The following DSCAM variants were observed in gnomAD, a reference collection of about 807,000 sequenced individuals.
DSCAM encodes the protein cell adhesion molecule DSCAM.
In DSCAM, 47 loss-of-function variants were observed where a neutral mutation model predicts 217.7. That is an observed-to-expected ratio of 0.22 (90% CI 0.17 to 0.28). DSCAM has a LOEUF of 0.28. Among genes scored for constraint, DSCAM ranks in the 10% least tolerant of loss-of-function variants. The pLI is 1.00. For synonymous variants in DSCAM, 1,056 were observed against 1,015.3 expected, an observed-to-expected ratio of 1.04 and a Z score of -0.76; for missense variants, 2,080 against 2,618.3, an observed-to-expected ratio of 0.79 and a Z score of 4.49.
chr21:40,098,610 T>C (rs2089712186), intron 20 of DSCAM, among the ~76,000 whole-genome samples: 1 of 152,244 alleles, frequency 6.6e-6, no homozygotes, highest in African/African-American at 2.4e-5. Flanking sequence ...AAACCTTACA[T>C]GCCTCAGCAG....
intron 3 of DSCAM, among the ~76,000 whole-genome samples, chr21:40,649,935 T>A (rs1205525463): frequency 6.6e-6 from 1 of 152,150 alleles, no homozygotes; most frequent in African/African-American, 2.4e-5. Flanking sequence ...GACCTGGAGA[T>A]TGCAGAAGGC....
intron 11 of DSCAM, among the ~76,000 whole-genome samples, chr21:40,238,314 A>G (rs1414806961): frequency 1.3e-5 from 2 of 152,192 alleles, no homozygotes; most frequent in Non-Finnish European, 2.9e-5. Flanking sequence ...AAGCATACTC[A>G]GGATGTGGCA....
chr21:40,369,382 C>CTG, intron 3 of DSCAM, 137 bp from the exon 4 acceptor site: 15 of 508,698 alleles, frequency 2.9e-5, no homozygotes, highest in South Asian at 1.1e-4. Flanking sequence ...GTGCGTGCGT[C>CTG]TGCGTGTGTG....
intron 3 of DSCAM, among the ~76,000 whole-genome samples, chr21:40,559,263 C>G (rs2076697040): frequency 6.6e-6 from 1 of 151,708 alleles, no homozygotes; most frequent in South Asian, 2.1e-4. Flanking sequence ...TTGAGACCAT[C>G]CTGGTCAACA....
At chr21:40,673,869 A>G (rs1653257463) in intron 3 of DSCAM, among the ~76,000 whole-genome samples, 1 of 152,128 alleles carries the variant, frequency 6.6e-6, no homozygotes, top group Non-Finnish European at 1.5e-5. Context: ...TGCTTCCTCT[A>G]TAGCCTGCAG....
chr21:40,136,046 C>T (rs1051942842), intron 18 of DSCAM, among the ~76,000 whole-genome samples: 8 of 152,134 alleles, frequency 5.3e-5, no homozygotes, highest in African/African-American at 1.4e-4. Flanking sequence ...GGGAGCAGGG[C>T]GAGGATGGCC....
At chr21:40,163,927 T>G (rs1304433095) in intron 16 of DSCAM, among the ~76,000 whole-genome samples, 1 of 152,154 alleles carries the variant, frequency 6.6e-6, no homozygotes, top group Non-Finnish European at 1.5e-5. Flanking sequence ...ACGTAATGCT[T>G]CACAGGCAAT....
intron 1 of DSCAM, among the ~76,000 whole-genome samples, chr21:40,822,216 G>A (rs1257042320): frequency 6.6e-6 from 1 of 150,674 alleles, no homozygotes; most frequent in Non-Finnish European, 1.5e-5. Context: ...CTACTCGGGA[G>A]GCTGAGGTGG....
chr21:40,476,687 A>T (rs2075939003), intron 3 of DSCAM, among the ~76,000 whole-genome samples: 1 of 151,836 alleles, frequency 6.6e-6, no homozygotes, highest in South Asian at 2.1e-4. Context: ...TTGCTGACTA[A>T]CCATTGGTTA....
chr21:40,571,003 T>TAC (rs1460253515), intron 3 of DSCAM, among the ~76,000 whole-genome samples: 1 of 152,056 alleles, frequency 6.6e-6, no homozygotes, highest in Non-Finnish European at 1.5e-5. Flanking sequence ...GCAAGGTACA[T>TAC]ACCCAAGAAG....
intron 11 of DSCAM, among the ~76,000 whole-genome samples, chr21:40,204,923 C>A (rs898734282): frequency 2.2e-4 from 34 of 152,198 alleles, no homozygotes; most frequent in African/African-American, 7.7e-4. Flanking sequence ...AATGGGTAAA[C>A]AGATGCATGG....
Position 40,085,702 on chromosome 21 carries a change from G to A in DSCAM, c.4032C>T (p.Phe1344=). The A allele has an allele frequency of 6.3e-7, 1 of 1,588,562 alleles. No homozygotes were observed. Among genetic ancestry groups the A allele is most frequent in the Non-Finnish European group, 8.6e-7 (1 of 1,160,506 alleles). Residue 1344 remains phenylalanine (F), a synonymous_variant, in exon 23 of 33, where the codon TTC becomes TTT. Coordinates refer to ENST00000400454, the MANE Select transcript of DSCAM (RefSeq NM_001389.5). The part of the protein sequence containing the change: ...GRRSIFSNGS[F]IIRTVKAEDS... Reference sequence around the variant, plus strand: ...CTTCTGCTTTCACCGTGCGAATAATGAAGCTTCCGTTGCTAAAGATGCTCC... The same window carrying A: ...CTTCTGCTTTCACCGTGCGAATAATAAAGCTTCCGTTGCTAAAGATGCTCC...
rs182342370 is a variant in DSCAM, at chr21:40,070,161, C to A, written c.4888+4876G>T. On this transcript the variant is annotated intron_variant, in intron 27 of 32. Coordinates refer to ENST00000400454, the MANE Select transcript of DSCAM (RefSeq NM_001389.5). ...TAAGAGAATAATTTCATTAAGAAAC[C>A]AAGACAGAAAGAAAGAGAGAGGAAG... 1.2e-3 allele frequency among the ~76,000 whole-genome samples: 178 copies of A among 145,942 alleles called. 2 individuals carry two copies. Among genetic ancestry groups the A allele is most frequent in the Admixed American group, 1.8e-3 (26 of 14,172 alleles).
chr21:40,192,261 C>G (rs1233966599), intron 11 of DSCAM, among the ~76,000 whole-genome samples: 1 of 152,098 alleles, frequency 6.6e-6, no homozygotes, highest in Non-Finnish European at 1.5e-5. Context: ...GGCTGTGTCC[C>G]CACCCAACTC....
chr21:40,538,629 TTTTAC>T (rs2076518623), intron 3 of DSCAM, among the ~76,000 whole-genome samples: 1 of 152,178 alleles, frequency 6.6e-6, no homozygotes, highest in Non-Finnish European at 1.5e-5. Context: ...AATGGTATTA[TTTTAC>T]TTTATTTTAA....
chr21:40,814,565 C>T (rs536661093), intron 1 of DSCAM, among the ~76,000 whole-genome samples: 33 of 152,270 alleles, frequency 2.2e-4, no homozygotes, highest in African/African-American at 7.0e-4. Context: ...CTGTCTCTAC[C>T]GTGGTGATGC....
chr21:40,611,500 T>C (rs778533044), intron 3 of DSCAM, among the ~76,000 whole-genome samples: 21 of 152,196 alleles, frequency 1.4e-4, no homozygotes, highest in Non-Finnish European at 2.4e-4. Context: ...GTATGTATTT[T>C]ATGGCACCCT....
intron 32 of DSCAM, among the ~76,000 whole-genome samples, chr21:40,030,465 G>A (rs746726245): frequency 3.3e-5 from 5 of 152,184 alleles, no homozygotes; most frequent in South Asian, 2.1e-4. Flanking sequence ...AGACGTAAAT[G>A]ATGGGATGGA....
At chr21:40,633,439 T>C (rs1240045320) in intron 3 of DSCAM, among the ~76,000 whole-genome samples, 1 of 152,214 alleles carries the variant, frequency 6.6e-6, no homozygotes, top group Non-Finnish European at 1.5e-5. Flanking sequence ...CAATATGTCC[T>C]AGAAATTGCT....
Sources: allele counts gnomAD v4.1 joint callset (sites outside exome capture counted in the v4.1 genomes callset), GRCh38; gene constraint gnomAD v4.1.1; transcripts MANE v1.5; gene names NCBI Gene and HGNC (gene_info 2026-07-23, HGNC 2026-07-21).